Variants in ITGB1 observed in about 807,000 individuals in gnomAD.
ITGB1 encodes integrin beta-1.
In ITGB1, 24 loss-of-function variants were observed where a neutral mutation model predicts 86.5. That is an observed-to-expected ratio of 0.28 (90% CI 0.20 to 0.39). ITGB1 has a LOEUF of 0.39. Ranked by LOEUF, ITGB1 falls within the 10% of genes least tolerant of loss-of-function variation. The pLI, the probability that ITGB1 is intolerant of heterozygous loss-of-function variation, is 1.00. For missense variants in ITGB1, 556 were observed against 946.9 expected (o/e 0.59, Z 5.42); for synonymous variants, 323 against 316.8 (o/e 1.02, Z -0.21).
At chr10:32,929,695 C>T in intron 4 of ITGB1, 127 bp downstream of exon 4, 13 of 644,880 alleles carry the variant, frequency 2.0e-5, no homozygotes, top group South Asian at 6.5e-5. Flanking sequence ...TAAACAATTC[C>T]ACATTTTTGA....
At position 32,926,048 on chromosome 10, in the gene ITGB1, G is replaced by C. The variant is rs912166628; in HGVS notation, c.609C>G (p.Leu203=). 2.5e-6 allele frequency: 4 copies of C among 1,614,158 alleles called. No individual in the cohort carries two copies. Among genetic ancestry groups the C allele is most frequent in the East Asian group, 2.2e-5 (1 of 44,884 alleles). Residue 203 remains leucine (L), a synonymous_variant, in exon 6 of 16, where the codon CTC becomes CTG. Coordinates refer to ENST00000302278, the MANE Select transcript of ITGB1 (RefSeq NM_002211.4). Reference sequence around the variant, plus strand: ...TCTGTTCACTTGTGCAAGGGTTCCTGAGCTTAGCTGGTGTTGTGCTAATGT... The same window carrying C: ...TCTGTTCACTTGTGCAAGGGTTCCTCAGCTTAGCTGGTGTTGTGCTAATGT... ...MPYISTTPAK[L]RNPCTSEQNC...
intron 13 of ITGB1, among the ~76,000 whole-genome samples, chr10:32,911,205 C>G (rs889759880): frequency 6.6e-6 from 1 of 152,154 alleles, no homozygotes. Flanking sequence ...CATGTAAATT[C>G]AATTATCTAG....
At chr10:32,928,030 A>C (rs2137220254) in intron 5 of ITGB1, 64 bp downstream of exon 5, 1 of 940,246 alleles carries the variant, frequency 1.1e-6, no homozygotes. Context: ...ATAAAATATA[A>C]AACAACATTT....
chr10:32,936,926 GAA>G (rs2095003845), intron 1 of ITGB1, among the ~76,000 whole-genome samples: 1 of 152,148 alleles, frequency 6.6e-6, no homozygotes, highest in Admixed American at 6.5e-5. Context: ...AGCAAAAATA[GAA>G]AGTTTTTTAA....
At chr10:32,912,288 G>C (rs954422277) in intron 11 of ITGB1, among the ~76,000 whole-genome samples, 164 bp from the exon 12 acceptor site, 7 of 152,224 alleles carry the variant, frequency 4.6e-5, no homozygotes, top group African/African-American at 1.7e-4. Context: ...CATCTCACTG[G>C]GGCTTGCTGG....
At chr10:32,943,021 G>A (rs1260023259) in intron 1 of ITGB1, among the ~76,000 whole-genome samples, 1 of 152,036 alleles carries the variant, frequency 6.6e-6, no homozygotes, top group Non-Finnish European at 1.5e-5. Context: ...GCCTCAAAAA[G>A]TTAAAAAATT....
At chr10:32,924,004 T>G (rs185558343) in intron 6 of ITGB1, among the ~76,000 whole-genome samples, 227 of 152,292 alleles carry the variant, frequency 1.5e-3, no homozygotes, top group Non-Finnish European at 2.3e-3. Context: ...TTTTTTGTTT[T>G]GTTTGGTTTG....
intron 6 of ITGB1, 42 bp downstream of exon 6, chr10:32,925,829 T>C: frequency 8.5e-7 from 1 of 1,175,078 alleles, no homozygotes; most frequent in Non-Finnish European, 1.3e-6. Flanking sequence ...TTCACACACA[T>C]AATAGAAACA....
chr10:32,935,185 A>G (rs905859505), intron 2 of ITGB1, among the ~76,000 whole-genome samples: 16 of 152,228 alleles, frequency 1.1e-4, no homozygotes, highest in Admixed American at 2.6e-4. Flanking sequence ...GCTTCTAAAT[A>G]TACTTGCTTT....
At chr10:32,909,501 A>G (rs1048265706) in intron 14 of ITGB1, among the ~76,000 whole-genome samples, 3 of 152,212 alleles carry the variant, frequency 2.0e-5, no homozygotes, top group Admixed American at 6.5e-5. Context: ...AATCAAAATT[A>G]AAACCTGTGG....
At chr10:32,920,415 A>G (rs1439967914) in intron 9 of ITGB1, 30 bp from the exon 10 acceptor site, 1 of 1,604,140 alleles carries the variant, frequency 6.2e-7, no homozygotes, top group South Asian at 1.1e-5. Flanking sequence ...TACACAGGAA[A>G]AGTCAAACAA....
At chr10:32,914,219 T>G (rs2094924221) in intron 11 of ITGB1, among the ~76,000 whole-genome samples, 2 of 152,112 alleles carry the variant, frequency 1.3e-5, no homozygotes, top group African/African-American at 4.8e-5. Flanking sequence ...CATGCCAAAT[T>G]GTAAAGACCA....
At chr10:32,913,240 A>G (rs1404556153) in intron 11 of ITGB1, among the ~76,000 whole-genome samples, 1 of 152,224 alleles carries the variant, frequency 6.6e-6, no homozygotes, top group Non-Finnish European at 1.5e-5. Flanking sequence ...TGAAAATTCT[A>G]AAATTTGAGC....
rs56280552 is a variant in ITGB1 at position 32,937,554 on chromosome 10, C to CAAAAAAAA, written c.1-2004_1-1997dup. Among the ~76,000 whole-genome samples, 47 of 91,866 alleles carry CAAAAAAAA rather than the reference C, an allele frequency of 5.1e-4. 1 individual carries two copies. The highest frequency in any genetic ancestry group is 7.7e-4 in the Non-Finnish European group (38 of 49,100). The allele number at this position is 91,866 out of a possible 152,430, so 60.3% of individuals were successfully genotyped here. A position where few individuals can be genotyped will look rare whatever the true frequency, so the allele number is the denominator to read the frequency against. ...CTGGCGAAAGAGCGAGACTCCGTCTCAAAAAAAAAAAAAAAAAAAAAAAAG... is the reference window on the plus strand; with the variant it reads ...CTGGCGAAAGAGCGAGACTCCGTCTCAAAAAAAAAAAAAAAAAAAAAAAAAAAAAAAAG... On this transcript the variant is annotated intron_variant, in intron 1 of 15. Transcript: ENST00000302278.
Position 32,922,354 on chromosome 10 carries a change from TA to T in ITGB1, c.1039-9del, listed in dbSNP as rs748494733. 5.1e-6 allele frequency: 8 copies of T among 1,579,360 alleles called. No individual in the cohort carries two copies. The highest frequency in any genetic ancestry group is 6.9e-6 in the Non-Finnish European group (8 of 1,151,320). The stretch of plus-strand genomic sequence containing the variant: ...GATCAAGTTTTTCAGCTCCTGCAAT[TA>T]AAAGATAAAACACGTAAAATACAAC... On this transcript the variant is annotated splice_polypyrimidine_tract_variant and intron_variant, in intron 8 of 15. Coordinates refer to ENST00000302278, the MANE Select transcript of ITGB1 (RefSeq NM_002211.4).
At chr10:32,942,361 G>A (rs1013064709) in intron 1 of ITGB1, among the ~76,000 whole-genome samples, 1 of 152,170 alleles carries the variant, frequency 6.6e-6, no homozygotes, top group African/African-American at 2.4e-5. Flanking sequence ...GATGCAATGG[G>A]ATTACAGTGA....
rs560733412 is a variant in ITGB1, at chr10:32,941,522, C to G, written c.1-5964G>C. On this transcript the variant is annotated intron_variant, in intron 1 of 15. Transcript: ENST00000302278. Reference sequence around the variant, plus strand: ...CAAGCAAGCAGGAAGAGCTACGTTACAGAGAGCCAAATACCATCCATGCTA... The same window carrying G: ...CAAGCAAGCAGGAAGAGCTACGTTAGAGAGAGCCAAATACCATCCATGCTA... 6.6e-5 allele frequency among the ~76,000 whole-genome samples: 10 copies of G among 152,220 alleles called. No individual in the cohort carries two copies. The South Asian group carries it at 2.1e-3, about 32-fold the overall frequency.
intron 11 of ITGB1, among the ~76,000 whole-genome samples, chr10:32,915,241 T>C (rs1003982997): frequency 3.3e-5 from 5 of 151,876 alleles, no homozygotes; most frequent in Non-Finnish European, 7.4e-5. Flanking sequence ...CACCCTAACA[T>C]CACAATTAAA....
intron 7 of ITGB1, 66 bp downstream of exon 7, chr10:32,923,519 G>T: frequency 7.2e-7 from 1 of 1,396,568 alleles, no homozygotes; most frequent in Non-Finnish European, 9.8e-7. Flanking sequence ...TCACCCACAA[G>T]CTCTTAGTAT....
Sources: allele counts gnomAD v4.1 joint callset (sites outside exome capture counted in the v4.1 genomes callset), GRCh38; gene constraint gnomAD v4.1.1; transcripts MANE v1.5; gene names NCBI Gene and HGNC (gene_info 2026-07-23, HGNC 2026-07-21).